Variants in ZNF516 observed in about 807,000 individuals in gnomAD.
ZNF516 encodes the protein zinc finger protein 516.
Under a neutral mutation model 79.7 loss-of-function variants are expected in ZNF516, and 19 were observed. The observed-to-expected ratio is 0.24, with a 90% CI of 0.17 to 0.35. The LOEUF (loss-of-function observed/expected upper bound fraction) is 0.35, where lower values mean the gene tolerates loss of function less well. Ranked by LOEUF, ZNF516 falls within the 10% of genes least tolerant of loss-of-function variation. The pLI is 1.00. For missense variants in ZNF516, 1,678 were observed against 1,679.5 expected, an observed-to-expected ratio of 1.00 and a Z score of 0.02; for synonymous variants, 877 against 739.5, an observed-to-expected ratio of 1.19 and a Z score of -3.02.
chr18:76,380,857 C>CAT (rs2074880155), intron 3 of ZNF516, among the ~76,000 whole-genome samples: 1 of 152,218 alleles, frequency 6.6e-6, no homozygotes, highest in Non-Finnish European at 1.5e-5. Flanking sequence ...CCGCCTCAGC[C>CAT]ATAGGGCTCC....
intron 6 of ZNF516, among the ~76,000 whole-genome samples, chr18:76,367,417 G>C (rs1455442295): frequency 6.6e-6 from 1 of 152,170 alleles, no homozygotes; most frequent in Non-Finnish European, 1.5e-5. Flanking sequence ...TGTCAGCCCT[G>C]CCTAGGGCTC....
At chr18:76,456,761 G>C (rs1448066928) in intron 2 of ZNF516, among the ~76,000 whole-genome samples, 1 of 145,606 alleles carries the variant, frequency 6.9e-6, no homozygotes, top group South Asian at 2.3e-4. Context: ...GTGGGGGGGG[G>C]CCAGTGGCTC....
chr18:76,381,784 G>C (rs1834782550), intron 3 of ZNF516, among the ~76,000 whole-genome samples: 1 of 152,176 alleles, frequency 6.6e-6, no homozygotes, highest in African/African-American at 2.4e-5. Context: ...GCGGAGATGA[G>C]ACAAAGGAAG....
chr18:76,442,709 T>C lies in ZNF516; in HGVS notation c.346A>G (p.Ser116Gly). 1 of 1,581,890 alleles carries C rather than the reference T, an allele frequency of 6.3e-7. No homozygotes were observed. The highest frequency in any genetic ancestry group is 8.6e-7 in the Non-Finnish European group (1 of 1,165,140). Reference protein sequence around the residue: ...RASEGLDACASPTKSASACNR... With the variant: ...RASEGLDACAGPTKSASACNR... ...CAGGCCGAGGCGCTCTTGGTGGGGC[T>C]GGCGCAGGCGTCCAGGCCCTCGGAG... Residue 116 changes from serine to glycine, a missense_variant, in exon 3 of 7, where the codon AGC (serine) becomes GGC (glycine). Ser to Gly is a moderately conservative substitution (Grantham distance 56, BLOSUM62 0). Transcript: ENST00000443185.
At chr18:76,411,147 G>A (rs569285695) in intron 3 of ZNF516, among the ~76,000 whole-genome samples, 12 of 152,330 alleles carry the variant, frequency 7.9e-5, no homozygotes, top group East Asian at 1.9e-4. Flanking sequence ...GGATGGAAAC[G>A]GTCTCTAAAT....
At chr18:76,407,065 C>T (rs967960321) in intron 3 of ZNF516, among the ~76,000 whole-genome samples, 1 of 152,156 alleles carries the variant, frequency 6.6e-6, no homozygotes, top group African/African-American at 2.4e-5. Context: ...CAGGTTAGAA[C>T]GGCTCTGGAT....
intron 3 of ZNF516, among the ~76,000 whole-genome samples, chr18:76,418,803 A>G (rs1307364681): frequency 6.6e-6 from 1 of 152,260 alleles, no homozygotes; most frequent in Admixed American, 6.5e-5. Context: ...TTTAAAGCCA[A>G]AATTGAACAA....
At chr18:76,427,249 A>C (rs555272730) in intron 3 of ZNF516, among the ~76,000 whole-genome samples, 3 of 152,240 alleles carry the variant, frequency 2.0e-5, no homozygotes, top group African/African-American at 7.2e-5. Context: ...TTAACCCTCT[A>C]AACTTCAGAT....
chr18:76,442,936 C>A lies in ZNF516; in HGVS notation c.119G>T (p.Gly40Val). ...KATCHTCCIC[G>V]KSFPFQSSLS... ...CGAGCTCTGGAAGGGGAAGCTCTTG[C>A]CGCAGATGCAGCAGGTGTGGCAGGT... The change falls in exon 3 of 7, where the codon GGC (glycine) becomes GTC (valine). Residue 40 changes from glycine to valine, a missense_variant. Physicochemically the swap from Gly to Val is moderately radical, Grantham distance 109 (BLOSUM62 -3). This residue lies in a region of ZNF516 where 62 missense variants were observed against 58.9 expected (regional missense o/e 1.05). Transcript: ENST00000443185. 3 of 1,611,470 alleles carry A rather than the reference C, an allele frequency of 1.9e-6. No homozygotes were observed. The highest frequency in any genetic ancestry group is 2.5e-6 in the Non-Finnish European group (3 of 1,179,742).
chr18:76,491,610 G>A (rs1354043337), intron 1 of ZNF516: 2 of 329,560 alleles, frequency 6.1e-6, no homozygotes, highest in South Asian at 1.2e-4. Context: ...GTGCTTCTCC[G>A]CCCCTTCCCG....
intron 6 of ZNF516, among the ~76,000 whole-genome samples, chr18:76,370,065 G>A (rs2074677514): frequency 6.6e-6 from 1 of 152,218 alleles, no homozygotes; most frequent in Non-Finnish European, 1.5e-5. Flanking sequence ...AGGCACTCTG[G>A]CCTTGCCAGT....
intron 3 of ZNF516, among the ~76,000 whole-genome samples, chr18:76,382,361 C>T (rs1342918737): frequency 2.0e-5 from 3 of 151,954 alleles, no homozygotes; most frequent in Non-Finnish European, 2.9e-5. Flanking sequence ...TCTAAATATT[C>T]GAAAAAGGCA....
rs1911804892 is a variant in ZNF516 at position 76,442,954 on chromosome 18, T to G, written c.101A>C (p.His34Pro). The G allele has an allele frequency of 1.2e-6, 2 of 1,609,252 alleles. No homozygotes were observed. The highest frequency in any genetic ancestry group is 1.7e-6 in the Non-Finnish European group (2 of 1,179,770). The change falls in exon 3 of 7, where the codon CAC becomes CCC. Residue 34 changes from histidine (H) to proline (P), a missense_variant. His to Pro is a moderately conservative substitution (Grantham distance 77, BLOSUM62 -2). Around this residue, in one of 5 missense-constraint regions of ZNF516, gnomAD observed 62 missense variants for 58.9 expected, o/e 1.05. Coordinates refer to ENST00000443185, the MANE Select transcript of ZNF516 (RefSeq NM_014643.4). ...GCTCTTGCCGCAGATGCAGCAGGTG[T>G]GGCAGGTAGCCTTGTCCCCATCCAC... The part of the protein sequence containing the change: ...HEVDGDKATC[H>P]TCCICGKSFP...
chr18:76,442,704 G>C lies in ZNF516; in HGVS notation c.351C>G (p.Pro117=), dbSNP rs1198022340. ...GGTTGCAGGCCGAGGCGCTCTTGGT[G>C]GGGCTGGCGCAGGCGTCCAGGCCCT... is the stretch of plus-strand genomic sequence containing the variant. The part of the protein sequence containing the change: ...ASEGLDACAS[P]TKSASACNRL... Residue 117 remains proline, a synonymous_variant, in exon 3 of 7, where the codon CCC becomes CCG. Coordinates refer to ENST00000443185, the MANE Select transcript of ZNF516 (RefSeq NM_014643.4). The C allele has an allele frequency of 6.3e-7, 1 of 1,582,438 alleles. No individual in the cohort carries two copies. Among genetic ancestry groups the C allele is most frequent in the East Asian group, 2.3e-5 (1 of 43,010 alleles).
chr18:76,483,132 A>G (rs1056887375), intron 1 of ZNF516, among the ~76,000 whole-genome samples: 22 of 152,230 alleles, frequency 1.4e-4, no homozygotes, highest in Non-Finnish European at 2.5e-4. Flanking sequence ...CTTGCACAAC[A>G]AAGAAAAACT....
Position 76,378,973 on chromosome 18 carries a change from C to T in ZNF516, c.3141G>A (p.Val1047=), listed in dbSNP as rs1568238584. The part of the protein sequence containing the change: ...PVLHSIKQEP[V]AEGHEKRLDI... ...CCAGGCGCTTCTCATGCCCCTCGGC[C>T]ACCGGCTCCTGTTTGATGGAGTGTA... is the stretch of plus-strand genomic sequence containing the variant. The change falls in exon 4 of 7, where the codon GTG becomes GTA. Residue 1047 remains valine (V), a synonymous_variant. Transcript: ENST00000443185. 1 of 1,613,670 alleles carries T rather than the reference C, an allele frequency of 6.2e-7. No individual in the cohort carries two copies.
intron 1 of ZNF516, among the ~76,000 whole-genome samples, chr18:76,487,251 AAG>A (rs2145815457): frequency 6.6e-6 from 1 of 152,342 alleles, no homozygotes; most frequent in East Asian, 1.9e-4. Flanking sequence ...TAGCTTTGGA[AAG>A]AGAAGCTTCA....
chr18:76,368,237 C>G (rs939127516), intron 6 of ZNF516, among the ~76,000 whole-genome samples: 1 of 152,146 alleles, frequency 6.6e-6, no homozygotes, highest in Non-Finnish European at 1.5e-5. Flanking sequence ...CTACCTATTA[C>G]TGATGTGTTT....
Position 76,452,148 on chromosome 18 carries a change from C to T in ZNF516, c.-157-8937G>A, listed in dbSNP as rs1461358011. Among the ~76,000 whole-genome samples the T allele has an allele frequency of 2.0e-5, 3 of 152,218 alleles. No individual in the cohort carries two copies. The East Asian group carries it at 5.8e-4, about 29-fold the overall frequency. On this transcript the variant is annotated intron_variant, in intron 2 of 6. Coordinates refer to ENST00000443185, the MANE Select transcript of ZNF516 (RefSeq NM_014643.4). ...CCACTAGGGGAAAAAGGACACAAAACGCCACTATCCCAGGGAGCAGCCGCC... is the reference window on the plus strand; with the variant it reads ...CCACTAGGGGAAAAAGGACACAAAATGCCACTATCCCAGGGAGCAGCCGCC...
Sources: gnomAD v4.1 joint callset for allele counts (sites outside exome capture counted in the v4.1 genomes callset) on GRCh38, gnomAD v4.1.1 for gene constraint, gnomAD v4.1.1 regional missense constraint, MANE v1.5 for transcripts, NCBI Gene and HGNC (gene_info 2026-07-23, HGNC 2026-07-21) for gene names.